The following CCDC73 variants were observed in gnomAD, a reference collection of about 807,000 sequenced individuals.
CCDC73 encodes coiled-coil domain-containing protein 73.
CCDC73 carries 95 observed loss-of-function variants against 116.5 expected under a neutral mutation model. The ratio of observed to expected loss-of-function variants is 0.82; its 90% confidence interval spans 0.69 to 0.97. The LOEUF is 0.97. CCDC73 is among the 50% of genes least tolerant of loss of function. The pLI is 0.00. For missense variants in CCDC73, 1,066 were observed against 1,206.8 expected, an observed-to-expected ratio of 0.88 and a Z score of 1.73; for synonymous variants, 398 against 401.3, an observed-to-expected ratio of 0.99 and a Z score of 0.10.
chr11:32,624,346 A>T (rs951837292), intron 14 of CCDC73, among the ~76,000 whole-genome samples: 2 of 152,008 alleles, frequency 1.3e-5, no homozygotes, highest in African/African-American at 4.8e-5. Flanking sequence ...AATAAAAAAT[A>T]AAAAAATAAA....
chr11:32,645,580 C>T (rs933520549), intron 12 of CCDC73, among the ~76,000 whole-genome samples: 28 of 151,984 alleles, frequency 1.8e-4, no homozygotes, highest in Middle Eastern at 3.4e-3. Context: ...TGAGCCACCA[C>T]GCCTGGCCAA....
intron 9 of CCDC73, among the ~76,000 whole-genome samples, chr11:32,666,710 G>T (rs187939831): frequency 6.6e-6 from 1 of 152,222 alleles, no homozygotes; most frequent in African/African-American, 2.4e-5. Context: ...GAGGAGCTGC[G>T]TTCCTTTGGA....
chr11:32,696,975 G>A (rs1167406530), intron 6 of CCDC73, among the ~76,000 whole-genome samples: 1 of 150,150 alleles, frequency 6.7e-6, no homozygotes, highest in African/African-American at 2.5e-5. Context: ...GACTACAGGT[G>A]CTCACCACCA....
intron 9 of CCDC73, among the ~76,000 whole-genome samples, chr11:32,664,262 C>T (rs1293283773): frequency 6.6e-6 from 1 of 152,194 alleles, no homozygotes; most frequent in African/African-American, 2.4e-5. Flanking sequence ...CTGGTACCAG[C>T]TCCTCCTTGT....
At chr11:32,664,264 C>A (rs1019375314) in intron 9 of CCDC73, among the ~76,000 whole-genome samples, 60 of 152,176 alleles carry the variant, frequency 3.9e-4, no homozygotes, top group African/African-American at 1.4e-3. Flanking sequence ...GGTACCAGCT[C>A]CTCCTTGTAC....
At chr11:32,803,888 C>A in the CCDC73 span, among the ~76,000 whole-genome samples, 2 of 152,108 alleles carry the variant, frequency 1.3e-5, no homozygotes, top group Admixed American at 6.5e-5. Flanking sequence ...CTCACTGCAA[C>A]CTCCCCATCC....
intron 6 of CCDC73, among the ~76,000 whole-genome samples, chr11:32,687,986 A>G (rs919063113): frequency 2.6e-5 from 4 of 152,224 alleles, no homozygotes; most frequent in Admixed American, 6.5e-5. Context: ...TTTGATAAAA[A>G]TAAATGATAG....
chr11:32,634,509 G>C (rs905009510), intron 14 of CCDC73, among the ~76,000 whole-genome samples: 2 of 152,082 alleles, frequency 1.3e-5, no homozygotes, highest in African/African-American at 4.8e-5. Context: ...GAAAGGAAAC[G>C]TTCTCAAACT....
intron 17 of CCDC73, 108 bp from the exon 18 acceptor site, chr11:32,603,128 G>A: frequency 2.4e-6 from 2 of 841,722 alleles, no homozygotes; most frequent in South Asian, 1.8e-5. Flanking sequence ...CCATCTCTTG[G>A]CTGATTTCCA....
intron 1 of CCDC73, among the ~76,000 whole-genome samples, chr11:32,770,633 C>T (rs933420999): frequency 6.6e-6 from 1 of 152,142 alleles, no homozygotes; most frequent in Non-Finnish European, 1.5e-5. Flanking sequence ...TCTGCAAAGA[C>T]GTCCAGAAAT....
At chr11:32,731,248 G>C (rs1466746054) in intron 2 of CCDC73, among the ~76,000 whole-genome samples, 1 of 152,048 alleles carries the variant, frequency 6.6e-6, no homozygotes, top group East Asian at 1.9e-4. Context: ...CACTGCTGAG[G>C]CTTGAGTAGG....
At chr11:32,696,059 C>T (rs990729923) in intron 6 of CCDC73, among the ~76,000 whole-genome samples, 2 of 152,010 alleles carry the variant, frequency 1.3e-5, no homozygotes, top group African/African-American at 4.8e-5. Flanking sequence ...AAATTTTATA[C>T]CTATGTAAAC....
rs201437212 is a variant in CCDC73, at chr11:32,632,780, GT to G, written c.1185+2915del. Among the ~76,000 whole-genome samples the G allele has an allele frequency of 6.6e-5, 10 of 151,668 alleles. No homozygotes were observed. In the South Asian group the frequency reaches 2.1e-3, roughly 31 times the overall value. ...TACTTTACTAAAATATATATATATA[GT>G]TTTTTTAACCGAATGAAAATGAAAA... On this transcript the variant is annotated intron_variant, in intron 14 of 17. Transcript: ENST00000335185.
chr11:32,758,234 C>CT, intron 2 of CCDC73: 1 of 291,542 alleles, frequency 3.4e-6, no homozygotes, highest in Non-Finnish European at 7.1e-6. Flanking sequence ...ACATTTTCCT[C>CT]TTCATCCAGG....
chr11:32,762,209 G>A (rs1850398309), intron 1 of CCDC73, among the ~76,000 whole-genome samples: 1 of 151,996 alleles, frequency 6.6e-6, no homozygotes, highest in Non-Finnish European at 1.5e-5. Context: ...ATGTTATTTG[G>A]ACCAATCCTC....
At chr11:32,720,076 T>C (rs1204126956) in intron 2 of CCDC73, among the ~76,000 whole-genome samples, 1 of 152,096 alleles carries the variant, frequency 6.6e-6, no homozygotes, top group Non-Finnish European at 1.5e-5. Context: ...ATAATACCAA[T>C]ACCAAAGACA....
intron 1 of CCDC73, among the ~76,000 whole-genome samples, chr11:32,788,113 C>G (rs1850643930): frequency 6.6e-6 from 1 of 152,080 alleles, no homozygotes; most frequent in South Asian, 2.1e-4. Flanking sequence ...TCTCATACTG[C>G]CAGATATAAT....
chr11:32,672,178 C>T (rs972282906), intron 9 of CCDC73, among the ~76,000 whole-genome samples: 9 of 152,094 alleles, frequency 5.9e-5, no homozygotes, highest in African/African-American at 2.2e-4. Context: ...CCCGTCTCTA[C>T]TAAAAATACA....
At chr11:32,771,561 G>C (rs1850492785) in intron 1 of CCDC73, among the ~76,000 whole-genome samples, 1 of 152,134 alleles carries the variant, frequency 6.6e-6, no homozygotes, top group Non-Finnish European at 1.5e-5. Context: ...ATGTGTAAGA[G>C]GCAAATAATT....
Sources: allele counts gnomAD v4.1 joint callset (sites outside exome capture counted in the v4.1 genomes callset), GRCh38; gene constraint gnomAD v4.1.1; transcripts MANE v1.5; gene names NCBI Gene and HGNC (gene_info 2026-07-23, HGNC 2026-07-21).